The following ZNF875 variants were observed in gnomAD, a reference collection of about 807,000 sequenced individuals.
ZNF875 encodes the protein HKR1, GLI-Kruppel zinc finger family member.
Under a neutral mutation model 11.2 loss-of-function variants are expected in ZNF875, and 14 were observed. The ratio of observed to expected loss-of-function variants is 1.26; its 90% CI spans 0.83 to 1.96. The LOEUF (loss-of-function observed/expected upper bound fraction) is 1.96. Ranked by LOEUF, ZNF875 falls within the 30% of genes most tolerant of loss-of-function variation. The pLI, the probability that ZNF875 is intolerant of heterozygous loss-of-function variation, is 0.00. For missense variants in ZNF875, 752 were observed against 760.4 expected, an observed-to-expected ratio of 0.99 and a Z score of 0.13; for synonymous variants, 301 against 281.1, an observed-to-expected ratio of 1.07 and a Z score of -0.71.
chr19:37,337,486 G>C (rs888281563), intron 2 of ZNF875: 1 of 152,068 alleles, frequency 6.6e-6, no homozygotes, highest in Non-Finnish European at 1.5e-5. Flanking sequence ...ACGGATTCTC[G>C]GTCTGTCTTC....
intron 2 of ZNF875, among the ~76,000 whole-genome samples, chr19:37,343,695 T>A (rs1374151687): frequency 2.6e-5 from 4 of 152,122 alleles, no homozygotes; most frequent in Non-Finnish European, 5.9e-5. Flanking sequence ...CTCAAACATC[T>A]GCTTGCATCA....
chr19:37,334,689 C>A lies in ZNF875; in HGVS notation c.-150C>A, dbSNP rs768933671. 2.2e-6 allele frequency: 1 copy of A among 456,050 alleles called. No homozygotes were observed. The highest frequency in any genetic ancestry group is 4.4e-6 in the Non-Finnish European group (1 of 226,802). The allele number at this position is 456,050 out of a possible 1,614,324, so 28.3% of individuals were successfully genotyped here. On this transcript the variant is annotated 5_prime_UTR_variant, in exon 1 of 5. Coordinates refer to ENST00000392153, the MANE Select transcript of ZNF875 (RefSeq NM_001353803.2). ...CCCAGGCGCGTTAAGCTGGTTGGGACCCGGGAAGGCCTCCCTCTTAAGGTC... is the reference window on the plus strand; with the variant it reads ...CCCAGGCGCGTTAAGCTGGTTGGGAACCGGGAAGGCCTCCCTCTTAAGGTC...
chr19:37,363,346 GAC>G lies in ZNF875; in HGVS notation c.1499_1500del (p.His500LeufsTer10), dbSNP rs2040295088. The G allele has an allele frequency of 4.3e-6, 7 of 1,611,000 alleles. No individual in the cohort carries two copies. In the East Asian group the frequency reaches 1.3e-4, roughly 31 times the overall value. On this transcript the variant is annotated frameshift_variant, in exon 5 of 5. Transcript: ENST00000392153. LOFTEE classifies it low-confidence loss of function (END_TRUNC). ...RKSTLSTHQR[T>X]HSGEKPFVCA... ...AATCAACCCTGAGCACGCACCAGAG[GAC>G]ACACTCAGGGGAGAAGCCATTTGTA... is the stretch of plus-strand genomic sequence containing the variant.
rs546743845 is a variant in ZNF875 at position 37,347,647 on chromosome 19, A to G, written c.161-130A>G. 2.9e-5 allele frequency: 19 copies of G among 656,952 alleles called. No homozygotes were observed. The South Asian group carries it at 3.5e-4, about 12-fold the overall frequency. 40.7% of individuals were successfully genotyped at this position (656,952 alleles called of 1,614,324 possible). A position where few individuals can be genotyped will look rare whatever the true frequency, so the allele number is the denominator to read the frequency against. On this transcript the variant is annotated intron_variant, in intron 3 of 4. Transcript: ENST00000392153. ...TCACCTTTCCTTAGTCAACCCTTCTACTTCAGAGAGAGAACTATTCATAGG... is the reference window on the plus strand; with the variant it reads ...TCACCTTTCCTTAGTCAACCCTTCTGCTTCAGAGAGAGAACTATTCATAGG...
rs558863260 is a variant in ZNF875 at position 37,359,025 on chromosome 19, C to T, written c.257-3084C>T. On this transcript the variant is annotated intron_variant, in intron 4 of 4. Transcript: ENST00000392153. ...AAGTGATTCTCCTGCCTCAGCCTCCCGAGTAGCTGGGATTACAGGCATGTA... is the reference window on the plus strand; with the variant it reads ...AAGTGATTCTCCTGCCTCAGCCTCCTGAGTAGCTGGGATTACAGGCATGTA... Among the ~76,000 whole-genome samples the T allele has an allele frequency of 1.0e-3, 158 of 151,568 alleles. 1 individual carries two copies. Among genetic ancestry groups the T allele is most frequent in the African/African-American group, 3.7e-3 (153 of 41,342 alleles).
chr19:37,313,699 G>C (rs1393907830), upstream of ZNF875, among the ~76,000 whole-genome samples: 1 of 152,014 alleles, frequency 6.6e-6, no homozygotes, highest in African/African-American at 2.4e-5. Context: ...CTATTGATAA[G>C]AGAATACACT....
upstream of ZNF875, among the ~76,000 whole-genome samples, chr19:37,331,870 C>CT (rs1050912501): frequency 3.8e-5 from 5 of 131,150 alleles, no homozygotes; most frequent in African/African-American, 1.0e-4. Flanking sequence ...AGGAATGCCT[C>CT]TTGCAGTTGA....
Position 37,335,150 on chromosome 19 carries a change from T to C in ZNF875, c.-56-19T>C, listed in dbSNP as rs964277361. 5.2e-5 allele frequency: 36 copies of C among 697,594 alleles called. No homozygotes were observed. The highest frequency in any genetic ancestry group is 8.1e-5 in the Non-Finnish European group (31 of 381,304). 43.2% of individuals were successfully genotyped at this position (697,594 alleles called of 1,614,324 possible). ...GGTGTTTCCACCTAGGCCACTCTTATTTCTCTTCACATCCCCAGATCTGTC... is the reference window on the plus strand; with the variant it reads ...GGTGTTTCCACCTAGGCCACTCTTACTTCTCTTCACATCCCCAGATCTGTC... On this transcript the variant is annotated intron_variant, in intron 1 of 4. Coordinates refer to ENST00000392153, the MANE Select transcript of ZNF875 (RefSeq NM_001353803.2).
At chr19:37,314,836 G>A (rs1032181406), upstream of ZNF875, 5 of 151,670 alleles carry the variant, frequency 3.3e-5, no homozygotes, top group Admixed American at 1.3e-4. Flanking sequence ...CTAGACTCTG[G>A]AGGAATAATA....
chr19:37,363,060 T>C lies in ZNF875; in HGVS notation c.1208T>C (p.Phe403Ser), dbSNP rs779857357. 13 of 1,613,950 alleles carry C rather than the reference T, an allele frequency of 8.1e-6. No homozygotes were observed. The Admixed American group carries it at 2.0e-4, about 25-fold the overall frequency. Residue 403 changes from phenylalanine (F) to serine (S), a missense_variant, in exon 5 of 5, where the codon TTT (phenylalanine) becomes TCT (serine). Phe to Ser is a radical substitution (Grantham distance 155). Transcript: ENST00000392153. The stretch of plus-strand genomic sequence containing the variant: ...ATTTGCAGGGAGTGTGAGCAAGGCT[T>C]TAGCCAGAAGTCACACCTCATCAGA... ...PYICRECEQG[F>S]SQKSHLIRHL...
At chr19:37,342,401 C>G (rs1028840187) in intron 2 of ZNF875, among the ~76,000 whole-genome samples, 2 of 148,650 alleles carry the variant, frequency 1.3e-5, no homozygotes, top group Non-Finnish European at 3.0e-5. Flanking sequence ...CTAGAAACAT[C>G]CAACTGAATT....
chr19:37,316,428 A>T (rs1234641155), upstream of ZNF875, among the ~76,000 whole-genome samples: 2 of 151,122 alleles, frequency 1.3e-5, no homozygotes, highest in Non-Finnish European at 3.0e-5. Context: ...GGAGTGCAAT[A>T]TCGCGATCTC....
chr19:37,361,983 G>A (rs1247117653), intron 4 of ZNF875, 126 bp from the exon 5 acceptor site: 1 of 648,840 alleles, frequency 1.5e-6, no homozygotes, highest in Non-Finnish European at 2.8e-6. Context: ...TGCTGGGAAG[G>A]ATGTCTAACT....
chr19:37,335,191 C>T lies in ZNF875; in HGVS notation c.-34C>T, dbSNP rs982858111. 1 of 702,270 alleles carries T rather than the reference C, an allele frequency of 1.4e-6. No individual in the cohort carries two copies. Among genetic ancestry groups the T allele is most frequent in the Non-Finnish European group, 2.6e-6 (1 of 384,528 alleles). 43.5% of individuals were successfully genotyped at this position (702,270 alleles called of 1,614,324 possible). On this transcript the variant is annotated 5_prime_UTR_variant, in exon 2 of 5. Transcript: ENST00000392153. Reference sequence around the variant, plus strand: ...CAGATCTGTCTTCTGAGACTTTGCCCTTCTCCAGGAAGAGCACTCAGGAGA... The same window carrying T: ...CAGATCTGTCTTCTGAGACTTTGCCTTTCTCCAGGAAGAGCACTCAGGAGA...
chr19:37,363,687 G>A lies in ZNF875; in HGVS notation c.1835G>A (p.Gly612Glu). The change falls in exon 5 of 5, where the codon GGA becomes GAA. Residue 612 changes from glycine to glutamate, a missense_variant. Gly to Glu is a moderately conservative substitution (Grantham distance 98, BLOSUM62 -2). Coordinates refer to ENST00000392153, the MANE Select transcript of ZNF875 (RefSeq NM_001353803.2). ...HLIRHQRTHS[G>E]EKPYICRKCG... ...ATTAGACACCAGAGGACACATTCAG[G>A]AGAGAAGCCTTATATTTGCAGAAAG... 1 of 1,613,416 alleles carries A rather than the reference G, an allele frequency of 6.2e-7. No individual in the cohort carries two copies. Among genetic ancestry groups the A allele is most frequent in the Non-Finnish European group, 8.5e-7 (1 of 1,179,522 alleles).
intron 2 of ZNF875, among the ~76,000 whole-genome samples, chr19:37,339,285 T>C (rs2035163857): frequency 6.6e-6 from 1 of 151,962 alleles, no homozygotes; most frequent in Non-Finnish European, 1.5e-5. Context: ...TTTTTAAAGG[T>C]GTAGAAACAG....
chr19:37,362,330 G>GCT lies in ZNF875; in HGVS notation c.478_479insCT (p.Asp160AlafsTer10). 1 of 1,614,108 alleles carries GCT rather than the reference G, an allele frequency of 6.2e-7. No homozygotes were observed. ...AGCAGAATGGATTCAAGAGGGAGAA[G>GCT]ACTCCAGACTCCTGTTTGGGAGAGT... On this transcript the variant is annotated frameshift_variant, in exon 5 of 5. Transcript: ENST00000392153. LOFTEE classifies it low-confidence loss of function (END_TRUNC).
At chr19:37,327,084 T>G (rs187152579) in intron 4 of ZNF875, among the ~76,000 whole-genome samples, 61 of 151,862 alleles carry the variant, frequency 4.0e-4, no homozygotes, top group African/African-American at 1.2e-3. Flanking sequence ...CTCTGCCTCC[T>G]GGGTCCAAGC....
chr19:37,358,959 G>A (rs1256338299), intron 4 of ZNF875, among the ~76,000 whole-genome samples: 1 of 151,772 alleles, frequency 6.6e-6, no homozygotes, highest in African/African-American at 2.4e-5. Context: ...GGAGTGCAGT[G>A]GCACAATCTC....
Sources: allele counts gnomAD v4.1 joint callset (sites outside exome capture counted in the v4.1 genomes callset), GRCh38; gene constraint gnomAD v4.1.1; transcripts MANE v1.5; gene names NCBI Gene and HGNC (gene_info 2026-07-23, HGNC 2026-07-21).